ST13: variants seen among roughly 807,000 people sequenced by gnomAD.
ST13 encodes ST13 Hsp70 interacting protein.
A neutral mutation model predicts 56.7 loss-of-function variants in ST13; 23 were observed. The observed-to-expected ratio is 0.41, with a 90% CI of 0.29 to 0.57. The LOEUF (loss-of-function observed/expected upper bound fraction) is 0.57. ST13 is among the 20% of genes least tolerant of loss of function. The probability of loss-of-function intolerance (pLI) is 0.36; values close to 1 mark genes in which losing one functional copy is unlikely to be tolerated. For missense variants in ST13, 369 were observed against 459.9 expected, an observed-to-expected ratio of 0.80 and a Z score of 1.81; for synonymous variants, 132 against 142.4, an observed-to-expected ratio of 0.93 and a Z score of 0.52.
intron 4 of ST13, among the ~76,000 whole-genome samples, chr22:40,841,375 C>A (rs2057803766): frequency 6.6e-6 from 1 of 151,742 alleles, no homozygotes; most frequent in Admixed American, 6.6e-5. Context: ...ATGTCTCACC[C>A]TACCCCTGCA....
intron 10 of ST13, among the ~76,000 whole-genome samples, chr22:40,828,223 C>T (rs113457434): frequency 3.3e-5 from 5 of 152,108 alleles, no homozygotes; most frequent in African/African-American, 9.6e-5. Flanking sequence ...ATAATTTGTT[C>T]GATTATAAAC....
At chr22:40,856,350 C>T (rs1281625547) in intron 1 of ST13, 81 bp downstream of exon 1, 11 of 1,272,128 alleles carry the variant, frequency 8.6e-6, no homozygotes, top group Non-Finnish European at 1.1e-5. Flanking sequence ...CCTCGCCCGC[C>T]GGACCGAGCC....
chr22:40,832,046 G>C, intron 8 of ST13: 1 of 363,452 alleles, frequency 2.8e-6, no homozygotes, highest in South Asian at 2.1e-5. Context: ...AGTAGAGACA[G>C]GGTTTCACTA....
chr22:40,855,662 T>C (rs1027894838), intron 1 of ST13, among the ~76,000 whole-genome samples: 95 of 152,230 alleles, frequency 6.2e-4, no homozygotes, highest in African/African-American at 2.3e-3. Flanking sequence ...ATTACTATTA[T>C]ATAGTAAATA....
At chr22:40,831,213 T>C (rs1819011580) in intron 8 of ST13, among the ~76,000 whole-genome samples, 1 of 152,214 alleles carries the variant, frequency 6.6e-6, no homozygotes, top group Non-Finnish European at 1.5e-5. Context: ...AGCTCAAAGA[T>C]TAACAAACAG....
intron 7 of ST13, among the ~76,000 whole-genome samples, chr22:40,833,623 C>T (rs1351176726): frequency 6.6e-6 from 1 of 151,544 alleles, no homozygotes; most frequent in Non-Finnish European, 1.5e-5. Flanking sequence ...TGCCTATTAT[C>T]CTAGCACTTT....
intron 1 of ST13, 71 bp from the exon 2 acceptor site, chr22:40,850,951 C>T: frequency 9.0e-7 from 1 of 1,108,564 alleles, no homozygotes. Context: ...GTATTTACAC[C>T]TAAAAAATAA....
intron 4 of ST13, among the ~76,000 whole-genome samples, chr22:40,843,371 C>G (rs942264353): frequency 6.6e-6 from 1 of 151,926 alleles, no homozygotes; most frequent in Admixed American, 6.6e-5. Context: ...CAAGAACAGC[C>G]AAAAGACTAA....
In ST13 at chr22:40,826,510, A is replaced by T; in HGVS notation, c.*28T>A. ...AGGTGATCTAGGTTGCTTTTCCTTC[A>T]GCAAGGGCTTTATTTATCAGAAGGA... On this transcript the variant is annotated 3_prime_UTR_variant, in exon 12 of 12. Coordinates refer to ENST00000216218, the MANE Select transcript of ST13 (RefSeq NM_003932.5). 3.8e-6 allele frequency: 6 copies of T among 1,595,954 alleles called. No homozygotes were observed. Among genetic ancestry groups the T allele is most frequent in the Non-Finnish European group, 5.1e-6 (6 of 1,178,916 alleles).
At chr22:40,840,778 C>G (rs2057800528) in intron 4 of ST13, 86 bp from the exon 5 acceptor site, 4 of 1,018,600 alleles carry the variant, frequency 3.9e-6, no homozygotes, top group African/African-American at 1.6e-5. Flanking sequence ...GAGGCGCAGT[C>G]ACAATACCCA....
intron 5 of ST13, among the ~76,000 whole-genome samples, chr22:40,840,279 A>G (rs2057796930): frequency 6.6e-6 from 1 of 152,068 alleles, no homozygotes; most frequent in African/African-American, 2.4e-5. Flanking sequence ...GCCTATGAAC[A>G]TCATCTGTCA....
chr22:40,839,497 G>T (rs372939595), intron 5 of ST13, among the ~76,000 whole-genome samples: 1 of 152,206 alleles, frequency 6.6e-6, no homozygotes, highest in East Asian at 1.9e-4. Flanking sequence ...GGGCGCAGTG[G>T]TTCGCGTCTG....
intron 5 of ST13, among the ~76,000 whole-genome samples, chr22:40,837,553 G>A (rs2057783794): frequency 6.6e-6 from 1 of 152,212 alleles, no homozygotes; most frequent in Non-Finnish European, 1.5e-5. Context: ...ATCTGAGGCA[G>A]GAGAATCGCT....
Position 40,826,251 on chromosome 22 carries a change from A to G in ST13, c.*287T>C. 1 of 213,968 alleles carries G rather than the reference A, an allele frequency of 4.7e-6. No individual in the cohort carries two copies. Among genetic ancestry groups the G allele is most frequent in the Non-Finnish European group, 9.2e-6 (1 of 108,172 alleles). 13.3% of individuals were successfully genotyped at this position (213,968 alleles called of 1,614,324 possible). ...CAAAATGATTAGTAAAGAAAAATAT[A>G]AGAATTAACAGGCCCTTTAAATTTG... On this transcript the variant is annotated 3_prime_UTR_variant, in exon 12 of 12. Coordinates refer to ENST00000216218, the MANE Select transcript of ST13 (RefSeq NM_003932.5).
At chr22:40,855,221 G>A (rs1297321121) in intron 1 of ST13, among the ~76,000 whole-genome samples, 1 of 152,164 alleles carries the variant, frequency 6.6e-6, no homozygotes, top group African/African-American at 2.4e-5. Context: ...TTTGGGAGGC[G>A]GGGGAGTCCC....
intron 11 of ST13, among the ~76,000 whole-genome samples, 186 bp from the exon 12 acceptor site, chr22:40,826,852 G>C (rs1268272822): frequency 2.6e-5 from 4 of 152,040 alleles, no homozygotes; most frequent in Non-Finnish European, 4.4e-5. Context: ...GATGAAAAAA[G>C]CACAATTTTG....
chr22:40,830,219 T>A (rs1343741189), intron 9 of ST13, among the ~76,000 whole-genome samples: 3 of 152,228 alleles, frequency 2.0e-5, no homozygotes, highest in Non-Finnish European at 2.9e-5. Context: ...AACTATAACC[T>A]TAAAATCAAG....
At chr22:40,843,559 G>C (rs1432670020) in intron 4 of ST13, among the ~76,000 whole-genome samples, 4 of 152,144 alleles carry the variant, frequency 2.6e-5, no homozygotes, top group Admixed American at 2.6e-4. Context: ...TGAAAGGTGA[G>C]TGTATAAAAT....
Position 40,856,591 on chromosome 22 carries a change from C to G in ST13, c.-51G>C. 6.6e-7 allele frequency: 1 copy of G among 1,515,044 alleles called. No individual in the cohort carries two copies. Among genetic ancestry groups the G allele is most frequent in the Non-Finnish European group, 9.1e-7 (1 of 1,093,290 alleles). The allele number at this position is 1,515,044 out of a possible 1,614,324, so 93.9% of individuals were successfully genotyped here. A position where few individuals can be genotyped will look rare whatever the true frequency, so the allele number is the denominator to read the frequency against. On this transcript the variant is annotated 5_prime_UTR_variant, in exon 1 of 12. Coordinates refer to ENST00000216218, the MANE Select transcript of ST13 (RefSeq NM_003932.5). The stretch of plus-strand genomic sequence containing the variant: ...GGGGGGCTACGGCCCGGTTCCAGGC[C>G]CAGGCGCTGGCTCGGCGTGACCGCG...
Sources: gnomAD v4.1 joint callset for allele counts (sites outside exome capture counted in the v4.1 genomes callset) on GRCh38, gnomAD v4.1.1 for gene constraint, MANE v1.5 for transcripts, NCBI Gene and HGNC (gene_info 2026-07-23, HGNC 2026-07-21) for gene names.